The following TSPAN8 variants were observed in gnomAD, a reference collection of about 807,000 sequenced individuals.
TSPAN8 encodes the protein tetraspanin 8, also known as tetraspanin-8.
A neutral mutation model predicts 32.8 loss-of-function variants in TSPAN8; 21 were observed. That is an observed-to-expected ratio of 0.64 (90% CI 0.45 to 0.92). The LOEUF is 0.92. Ranked by LOEUF, TSPAN8 falls within the 40% of genes least tolerant of loss-of-function variation. The pLI, the probability that TSPAN8 is intolerant of heterozygous loss-of-function variation, is 0.00. For missense variants in TSPAN8, 269 were observed against 281.9 expected (o/e 0.95, Z 0.33); for synonymous variants, 95 against 94.6 (o/e 1.00, Z -0.03).
chr12:71,129,283 G>C, intron 8 of TSPAN8, 48 bp downstream of exon 8: 1 of 1,276,284 alleles, frequency 7.8e-7, no homozygotes. Context: ...TGAAATTAAT[G>C]AACAAGCAAG....
intron 2 of TSPAN8, among the ~76,000 whole-genome samples, chr12:71,156,510 A>G (rs1872449865): frequency 6.6e-6 from 1 of 152,028 alleles, no homozygotes; most frequent in Admixed American, 6.6e-5. Flanking sequence ...ACTTTTTTAA[A>G]TATTTACTTA....
At chr12:71,134,569 TCA>T (rs1417361531) in intron 6 of TSPAN8, among the ~76,000 whole-genome samples, 1 of 152,184 alleles carries the variant, frequency 6.6e-6, no homozygotes, top group Non-Finnish European at 1.5e-5. Context: ...TGTTTCAAGG[TCA>T]GTACTAGCAA....
chr12:71,157,906 A>G (rs1383037812), intron 1 of TSPAN8, 24 bp downstream of exon 1: 8 of 517,590 alleles, frequency 1.5e-5, no homozygotes, highest in Non-Finnish European at 2.7e-5. Context: ...ACACATTTAA[A>G]TATCTCAAAG....
At chr12:71,144,260 T>C (rs375382324) in intron 2 of TSPAN8, 47 bp from the exon 3 acceptor site, 48 of 1,559,954 alleles carry the variant, frequency 3.1e-5, no homozygotes, top group Non-Finnish European at 4.0e-5. Context: ...TAGGATCATA[T>C]GAAACTCTAT....
At chr12:71,126,240 G>A (rs1271344519) in intron 8 of TSPAN8, among the ~76,000 whole-genome samples, 1 of 152,170 alleles carries the variant, frequency 6.6e-6, no homozygotes, top group Non-Finnish European at 1.5e-5. Context: ...TCCTGGAAAT[G>A]TAATTCAAAT....
At chr12:71,137,105 C>T (rs998469257) in intron 6 of TSPAN8, among the ~76,000 whole-genome samples, 5 of 151,954 alleles carry the variant, frequency 3.3e-5, no homozygotes, top group African/African-American at 1.2e-4. Flanking sequence ...ACCCCTCTCT[C>T]TACAAAAATG....
chr12:71,132,939 A>T, intron 6 of TSPAN8, 115 bp from the exon 7 acceptor site: 1 of 1,217,304 alleles, frequency 8.2e-7, no homozygotes, highest in Non-Finnish European at 1.1e-6. Flanking sequence ...CTAAAATACC[A>T]TGTAAGTCAC....
At chr12:71,147,663 T>C (rs904202915) in intron 2 of TSPAN8, among the ~76,000 whole-genome samples, 1 of 152,214 alleles carries the variant, frequency 6.6e-6, no homozygotes, top group African/African-American at 2.4e-5. Flanking sequence ...TAAACATTTA[T>C]TTAAAAGTCT....
At chr12:71,154,232 CCTGGGAAGCAGAGG>C (rs1328034608) in intron 2 of TSPAN8, among the ~76,000 whole-genome samples, 1 of 151,646 alleles carries the variant, frequency 6.6e-6, no homozygotes, top group East Asian at 1.9e-4. Flanking sequence ...ATCGCTAGAA[CCTGGGAAGCAGAGG>C]CTGCAGTGAC....
intron 8 of TSPAN8, among the ~76,000 whole-genome samples, chr12:71,126,592 A>G (rs1871356076): frequency 6.6e-6 from 1 of 152,142 alleles, no homozygotes; most frequent in South Asian, 2.1e-4. Flanking sequence ...TAATTAAAAG[A>G]GATTTGTCAT....
chr12:71,135,369 A>AAGG lies in TSPAN8; in HGVS notation c.445-2548_445-2546dup, dbSNP rs200204805. On this transcript the variant is annotated intron_variant, in intron 6 of 8. Coordinates refer to ENST00000247829, the MANE Select transcript of TSPAN8 (RefSeq NM_004616.3). ...AAGAAGGAGGAGAAAGAAGAAGAAG[A>AAGG]AGGAGGAGGAGGAGGAGGAGAAGGG... Among the ~76,000 whole-genome samples the AAGG allele has an allele frequency of 2.4e-3, 318 of 131,022 alleles. 5 individuals are homozygous for AAGG. The East Asian group carries it at 0.045, about 18-fold the overall frequency. 86.0% of individuals were successfully genotyped at this position (131,022 alleles called of 152,430 possible). A position where few individuals can be genotyped will look rare whatever the true frequency, so the allele number is the denominator to read the frequency against.
chr12:71,134,361 T>C (rs1871614360), intron 6 of TSPAN8, among the ~76,000 whole-genome samples: 1 of 152,224 alleles, frequency 6.6e-6, no homozygotes, highest in South Asian at 2.1e-4. Flanking sequence ...TCCAATTCTG[T>C]AGTTTCTGTA....
At chr12:71,145,697 T>G (rs991887772) in intron 2 of TSPAN8, among the ~76,000 whole-genome samples, 2 of 152,230 alleles carry the variant, frequency 1.3e-5, no homozygotes, top group South Asian at 4.1e-4. Flanking sequence ...CAAATGATAA[T>G]GAGACCCTCT....
At chr12:71,130,294 G>T (rs1412312408) in intron 7 of TSPAN8, among the ~76,000 whole-genome samples, 1 of 152,004 alleles carries the variant, frequency 6.6e-6, no homozygotes, top group Non-Finnish European at 1.5e-5. Context: ...ATTTATCAGG[G>T]TTATTTTTAT....
intron 7 of TSPAN8, among the ~76,000 whole-genome samples, chr12:71,130,262 C>G (rs3851611): frequency 0.33 from 50,596 of 152,028 alleles, 8,999 homozygotes; most frequent in Non-Finnish European, 0.41. Flanking sequence ...GAAAAAACAA[C>G]ATATTTTCAA....
chr12:71,148,795 T>C (rs1277283386), intron 2 of TSPAN8, among the ~76,000 whole-genome samples: 1 of 152,238 alleles, frequency 6.6e-6, no homozygotes, highest in Non-Finnish European at 1.5e-5. Flanking sequence ...TCTGCTATTA[T>C]GTTTGTAGTT....
At position 71,144,158 on chromosome 12, in the gene TSPAN8, G is replaced by A. The variant is rs768108879; in HGVS notation, c.116C>T (p.Ser39Phe). Residue 39 changes from serine to phenylalanine, a missense_variant, in exon 3 of 9, where the codon TCT (serine) becomes TTT (phenylalanine). Physicochemically the swap from Ser to Phe is radical, Grantham distance 155. Coordinates refer to ENST00000247829, the MANE Select transcript of TSPAN8 (RefSeq NM_004616.3). ...LAIWVRVSNDSQAIFGSEDVG... is the reference protein window; with the variant it reads ...LAIWVRVSNDFQAIFGSEDVG... The stretch of plus-strand genomic sequence containing the variant: ...TTGTTTTTGCATACTTACTGCTTGA[G>A]AGTCATTGCTTACTCGTACCCATAT... 3.7e-6 allele frequency: 6 copies of A among 1,611,602 alleles called. No homozygotes were observed. The highest frequency in any genetic ancestry group is 2.2e-5 in the South Asian group (2 of 90,882).
intron 2 of TSPAN8, among the ~76,000 whole-genome samples, chr12:71,153,226 A>T (rs949279527): frequency 2.0e-5 from 3 of 152,204 alleles, no homozygotes; most frequent in African/African-American, 7.2e-5. Flanking sequence ...AGGAGCATTA[A>T]AAAATTGGGG....
At chr12:71,130,482 G>T (rs770579863) in intron 7 of TSPAN8, among the ~76,000 whole-genome samples, 2 of 152,066 alleles carry the variant, frequency 1.3e-5, no homozygotes, top group African/African-American at 2.4e-5. Context: ...ATTATGTGAA[G>T]AATTTTTTAA....
Sources: allele counts gnomAD v4.1 joint callset (sites outside exome capture counted in the v4.1 genomes callset), GRCh38; gene constraint gnomAD v4.1.1; transcripts MANE v1.5; gene names NCBI Gene and HGNC (gene_info 2026-07-23, HGNC 2026-07-21).